ABTB2: variants seen among roughly 807,000 people sequenced by gnomAD.
The protein encoded by ABTB2 is ankyrin repeat and BTB/POZ domain-containing protein 2.
ABTB2 carries 56 observed loss-of-function variants against 104.1 expected under a neutral mutation model. That is an observed-to-expected ratio of 0.54 (90% CI 0.43 to 0.67). The LOEUF is 0.67. ABTB2 is among the 30% of genes least tolerant of loss of function. The pLI, the probability that ABTB2 is intolerant of heterozygous loss-of-function variation, is 0.00. For missense variants in ABTB2, 1,279 were observed against 1,407.7 expected, an observed-to-expected ratio of 0.91 and a Z score of 1.46; for synonymous variants, 606 against 608.2, an observed-to-expected ratio of 1.00 and a Z score of 0.05.
intron 1 of ABTB2, among the ~76,000 whole-genome samples, chr11:34,349,557 T>C (rs1431970096): frequency 6.6e-6 from 1 of 152,250 alleles, no homozygotes; most frequent in East Asian, 1.9e-4. Context: ...AACACAAGTT[T>C]GTTAAAAACA....
intron 1 of ABTB2, among the ~76,000 whole-genome samples, chr11:34,254,436 T>C (rs555692662): frequency 6.6e-5 from 10 of 150,762 alleles, no homozygotes; most frequent in African/African-American, 1.9e-4. Context: ...TCTTTTTTTG[T>C]AGAGAGGAAG....
At chr11:34,193,384 G>C (rs1461145909) in intron 3 of ABTB2, among the ~76,000 whole-genome samples, 1 of 152,238 alleles carries the variant, frequency 6.6e-6, no homozygotes, top group Non-Finnish European at 1.5e-5. Flanking sequence ...GGTGGGGCTG[G>C]AATGGCCCCA....
At position 34,349,493 on chromosome 11, in the gene ABTB2, G is replaced by A. The variant is rs142686343; in HGVS notation, c.883+7208C>T. On this transcript the variant is annotated intron_variant, in intron 1 of 16. Coordinates refer to ENST00000435224, the MANE Select transcript of ABTB2 (RefSeq NM_145804.3). ...TACCCATCTCCCTGAGATTTGGGTC[G>A]TGACCCTCCTTGCACCAGAGACTTT... 2.6e-5 allele frequency among the ~76,000 whole-genome samples: 4 copies of A among 152,300 alleles called. No individual in the cohort carries two copies. In the East Asian group the frequency reaches 5.8e-4, roughly 22 times the overall value.
chr11:34,335,855 T>C, intron 1 of ABTB2: 1 of 1,160,830 alleles, frequency 8.6e-7, no homozygotes, highest in Non-Finnish European at 1.3e-6. Context: ...TGAGAGCATA[T>C]ATCTGGAGGT....
chr11:34,282,522 T>C (rs1854458886), intron 1 of ABTB2, among the ~76,000 whole-genome samples: 1 of 152,062 alleles, frequency 6.6e-6, no homozygotes, highest in South Asian at 2.1e-4. Context: ...CTTTTCTTTT[T>C]TCTTTTCTTT....
chr11:34,209,183 TA>T (rs1411430644), intron 1 of ABTB2, among the ~76,000 whole-genome samples: 1 of 151,918 alleles, frequency 6.6e-6, no homozygotes, highest in Non-Finnish European at 1.5e-5. Context: ...CTATCTCTAC[TA>T]AAAATACAAA....
intron 1 of ABTB2, among the ~76,000 whole-genome samples, chr11:34,244,474 C>T (rs771209821): frequency 2.0e-5 from 3 of 152,168 alleles, no homozygotes; most frequent in Non-Finnish European, 2.9e-5. Flanking sequence ...CAATAAAATA[C>T]GCAGAAAAAC....
intron 1 of ABTB2, among the ~76,000 whole-genome samples, chr11:34,229,234 G>A (rs1853730823): frequency 6.6e-6 from 1 of 151,814 alleles, no homozygotes; most frequent in Non-Finnish European, 1.5e-5. Context: ...TGTAATCGCA[G>A]CACTTTGGGA....
rs1854592817 is a variant in ABTB2, at chr11:34,293,971, G to T, written c.883+62730C>A. 2.0e-5 allele frequency among the ~76,000 whole-genome samples: 3 copies of T among 152,192 alleles called. No homozygotes were observed. The South Asian group carries it at 6.2e-4, about 32-fold the overall frequency. ...TAAAATGTTAACACTTGGGAATCTGGGTAAATGAAGTATGAAAATTCTTTG... is the reference window on the plus strand; with the variant it reads ...TAAAATGTTAACACTTGGGAATCTGTGTAAATGAAGTATGAAAATTCTTTG... On this transcript the variant is annotated intron_variant, in intron 1 of 16. Coordinates refer to ENST00000435224, the MANE Select transcript of ABTB2 (RefSeq NM_145804.3).
chr11:34,242,858 G>A (rs942421897), intron 1 of ABTB2, among the ~76,000 whole-genome samples: 2 of 152,142 alleles, frequency 1.3e-5, no homozygotes, highest in African/African-American at 4.8e-5. Context: ...TTCCAGAACA[G>A]GGAGCTGAAC....
chr11:34,297,796 G>GAAAAAAAAAAAAAAAAAAAACAAAT (rs1554923796), intron 1 of ABTB2, among the ~76,000 whole-genome samples: 1 of 123,072 alleles, frequency 8.1e-6, no homozygotes, highest in Non-Finnish European at 1.7e-5. Context: ...AAAAATAAAG[G>GAAAAAAAAAAAAAAAAAAAACAAAT]AAAGAAAAAG....
At position 34,160,961 on chromosome 11, in the gene ABTB2, T is replaced by C. The variant is rs1276188609; in HGVS notation, c.2339A>G (p.Asn780Ser). The C allele has an allele frequency of 4.3e-6, 7 of 1,613,510 alleles. No individual in the cohort carries two copies. The highest frequency in any genetic ancestry group is 5.9e-6 in the Non-Finnish European group (7 of 1,179,782). Residue 780 changes from asparagine (N) to serine (S), a missense_variant, in exon 11 of 17, where the codon AAC (asparagine) becomes AGC (serine). Asn to Ser is a conservative substitution (Grantham distance 46, BLOSUM62 1). Coordinates refer to ENST00000435224, the MANE Select transcript of ABTB2 (RefSeq NM_145804.3). ...CAAGCCCTCGGTCACCAGCTCCTCG[T>C]TGTACTCCTCCTCTCTGATGGAGCT... Reference protein sequence around the residue: ...DFSSIREEEYNEELVTEGLQL... With the variant: ...DFSSIREEEYSEELVTEGLQL...
At chr11:34,278,856 C>T (rs887870303) in intron 1 of ABTB2, among the ~76,000 whole-genome samples, 18 of 152,150 alleles carry the variant, frequency 1.2e-4, no homozygotes, top group Non-Finnish European at 2.9e-5. Context: ...ACTTGGAAAA[C>T]ACTTAGGAGA....
intron 1 of ABTB2, among the ~76,000 whole-genome samples, chr11:34,348,652 T>G (rs973314680): frequency 3.3e-5 from 5 of 152,156 alleles, no homozygotes; most frequent in Non-Finnish European, 7.4e-5. Flanking sequence ...CTCTTCCCTT[T>G]AAGCTTTCTA....
At chr11:34,177,094 A>T (rs1852968517) in intron 3 of ABTB2, among the ~76,000 whole-genome samples, 2 of 152,184 alleles carry the variant, frequency 1.3e-5, no homozygotes, top group African/African-American at 4.8e-5. Context: ...TAATCCGTGG[A>T]TTTGCCAGCC....
intron 1 of ABTB2, among the ~76,000 whole-genome samples, chr11:34,240,739 TCC>T (rs1368028099): frequency 1.3e-5 from 2 of 151,670 alleles, no homozygotes; most frequent in Non-Finnish European, 2.9e-5. Context: ...ATTACAGGCA[TCC>T]GCCACCACAC....
At chr11:34,232,588 T>C (rs1853786150) in intron 1 of ABTB2, among the ~76,000 whole-genome samples, 1 of 152,136 alleles carries the variant, frequency 6.6e-6, no homozygotes. Flanking sequence ...CACCACAATC[T>C]GTAGCCTTCT....
At chr11:34,171,784 G>C (rs1004775269) in intron 4 of ABTB2, among the ~76,000 whole-genome samples, 7 of 152,134 alleles carry the variant, frequency 4.6e-5, no homozygotes, top group African/African-American at 1.7e-4. Flanking sequence ...ACCATGGCCA[G>C]GTTCTAGTAT....
At chr11:34,250,178 G>A (rs917894261) in intron 1 of ABTB2, among the ~76,000 whole-genome samples, 1 of 152,142 alleles carries the variant, frequency 6.6e-6, no homozygotes, top group Admixed American at 6.5e-5. Context: ...GGCTGGCAAG[G>A]TAGATGGAGG....
Sources: gnomAD v4.1 joint callset for allele counts (sites outside exome capture counted in the v4.1 genomes callset) on GRCh38, gnomAD v4.1.1 for gene constraint, MANE v1.5 for transcripts, NCBI Gene and HGNC (gene_info 2026-07-23, HGNC 2026-07-21) for gene names.